Variants in TCERG1L observed in about 807,000 individuals in gnomAD.
TCERG1L encodes the protein transcription elongation regulator 1-like protein.
In TCERG1L, 37 loss-of-function variants were observed where a neutral mutation model predicts 56.3. The ratio of observed to expected loss-of-function variants is 0.66; its 90% CI spans 0.51 to 0.87. TCERG1L has a LOEUF of 0.87. TCERG1L is among the 40% of genes least tolerant of loss of function. TCERG1L has a pLI of 0.00. For synonymous variants in TCERG1L, 324 were observed against 326.3 expected (o/e 0.99, Z 0.08); for missense variants, 799 against 774.2 (o/e 1.03, Z -0.38).
chr10:131,181,818 G>A (rs559936405), intron 4 of TCERG1L, among the ~76,000 whole-genome samples: 21 of 152,356 alleles, frequency 1.4e-4, no homozygotes, highest in Middle Eastern at 6.8e-3. Context: ...CCAAAAACTC[G>A]TGGTAGCCAC....
intron 10 of TCERG1L, among the ~76,000 whole-genome samples, chr10:131,102,907 G>A (rs1402960675): frequency 6.6e-6 from 1 of 151,966 alleles, no homozygotes; most frequent in Non-Finnish European, 1.5e-5. Flanking sequence ...TCTGTCCCTC[G>A]TCTGTTTGAT....
Position 131,138,886 on chromosome 10 carries a change from T to A in TCERG1L, c.1190-4438A>T, listed in dbSNP as rs532330865. 1.6e-4 allele frequency among the ~76,000 whole-genome samples: 25 copies of A among 152,328 alleles called. 1 individual carries two copies. In the South Asian group the frequency reaches 5.0e-3, roughly 30 times the overall value. ...GAGAAAAAAAATCAAGGACAACTTG[T>A]TCTATGGCAAAAAAATCGAAAGACC... On this transcript the variant is annotated intron_variant, in intron 7 of 11. Coordinates refer to ENST00000368642, the MANE Select transcript of TCERG1L (RefSeq NM_174937.4).
intron 8 of TCERG1L, among the ~76,000 whole-genome samples, chr10:131,120,803 C>T (rs1452043394): frequency 1.3e-5 from 2 of 152,182 alleles, no homozygotes; most frequent in African/African-American, 4.8e-5. Flanking sequence ...TGAGATGGTC[C>T]ACATCGACCT....
intron 4 of TCERG1L, among the ~76,000 whole-genome samples, chr10:131,177,778 G>C (rs191384925): frequency 1.3e-5 from 2 of 151,848 alleles, no homozygotes; most frequent in Non-Finnish European, 2.9e-5. Flanking sequence ...GGAGGCTGAA[G>C]GGGAGGCTCC....
At chr10:131,290,785 A>ACATTG (rs3040430) in intron 3 of TCERG1L, among the ~76,000 whole-genome samples, 114,727 of 151,668 alleles carry the variant, frequency 0.76, 43,993 homozygotes, top group Non-Finnish European at 0.82. Flanking sequence ...AACACTTACC[A>ACATTG]CATTGGAGGT....
chr10:131,262,356 C>G (rs953437424), intron 3 of TCERG1L, among the ~76,000 whole-genome samples: 2 of 152,098 alleles, frequency 1.3e-5, no homozygotes, highest in African/African-American at 4.8e-5. Flanking sequence ...ATAGGAGGTA[C>G]TTAACACTAT....
At chr10:131,208,866 G>A (rs1257393730) in intron 4 of TCERG1L, among the ~76,000 whole-genome samples, 1 of 152,098 alleles carries the variant, frequency 6.6e-6, no homozygotes. Context: ...GACCATCCTG[G>A]CTAACATGGT....
intron 4 of TCERG1L, among the ~76,000 whole-genome samples, chr10:131,188,707 C>T (rs1454622061): frequency 6.6e-6 from 1 of 152,172 alleles, no homozygotes; most frequent in Non-Finnish European, 1.5e-5. Context: ...TGACTTTGCA[C>T]TTTTCTTTTA....
intron 9 of TCERG1L, 77 bp downstream of exon 9, chr10:131,116,722 C>T: frequency 6.5e-7 from 1 of 1,530,208 alleles, no homozygotes; most frequent in Non-Finnish European, 8.8e-7. Context: ...AGGCGACCCT[C>T]AGGCAGGGAC....
chr10:131,273,102 A>G (rs955172568), intron 3 of TCERG1L, among the ~76,000 whole-genome samples: 34 of 152,012 alleles, frequency 2.2e-4, no homozygotes, highest in African/African-American at 8.0e-4. Flanking sequence ...GGGGCGCCTC[A>G]CTCAGGCAGC....
intron 6 of TCERG1L, among the ~76,000 whole-genome samples, chr10:131,151,714 G>A (rs1208323708): frequency 1.3e-5 from 2 of 152,154 alleles, no homozygotes; most frequent in South Asian, 2.1e-4. Flanking sequence ...ACTCTGTGTG[G>A]GGGCTCTGAC....
At chr10:131,194,968 A>T (rs2133466867) in intron 4 of TCERG1L, among the ~76,000 whole-genome samples, 1 of 152,314 alleles carries the variant, frequency 6.6e-6, no homozygotes, top group South Asian at 2.1e-4. Context: ...CACATGTGCC[A>T]CTAAATCCAG....
chr10:131,284,906 C>T (rs1288102148), intron 3 of TCERG1L, among the ~76,000 whole-genome samples: 1 of 152,052 alleles, frequency 6.6e-6, no homozygotes, highest in Non-Finnish European at 1.5e-5. Context: ...AACCTTTCCA[C>T]ATAGGAAAGA....
chr10:131,184,228 A>T (rs894463593), intron 4 of TCERG1L, among the ~76,000 whole-genome samples: 12 of 152,222 alleles, frequency 7.9e-5, no homozygotes, highest in African/African-American at 2.7e-4. Flanking sequence ...TTTCTATTCT[A>T]GCGTATCACA....
intron 9 of TCERG1L, among the ~76,000 whole-genome samples, chr10:131,108,915 G>GCC (rs1845381965): frequency 6.6e-6 from 1 of 152,190 alleles, no homozygotes; most frequent in South Asian, 2.1e-4. Context: ...TTGCCCCAGG[G>GCC]CCCCCACAGT....
intron 4 of TCERG1L, among the ~76,000 whole-genome samples, chr10:131,237,029 T>C (rs1648722883): frequency 6.6e-6 from 1 of 151,988 alleles, no homozygotes; most frequent in South Asian, 2.1e-4. Context: ...TAGAGGAAAG[T>C]CCTAGGAATC....
chr10:131,172,490 C>A (rs1241130303), intron 4 of TCERG1L, among the ~76,000 whole-genome samples: 2 of 152,268 alleles, frequency 1.3e-5, no homozygotes, highest in East Asian at 3.8e-4. Flanking sequence ...GTCTCCACCA[C>A]CCCTGAGGCT....
intron 4 of TCERG1L, among the ~76,000 whole-genome samples, chr10:131,240,199 G>A (rs1845955162): frequency 6.6e-6 from 1 of 152,136 alleles, no homozygotes; most frequent in Non-Finnish European, 1.5e-5. Context: ...TCCTTTTCAT[G>A]CCCAGTTCTG....
chr10:131,283,894 A>G (rs1846491798), intron 3 of TCERG1L, among the ~76,000 whole-genome samples: 1 of 152,164 alleles, frequency 6.6e-6, no homozygotes, highest in Non-Finnish European at 1.5e-5. Context: ...AGGCGGAGGC[A>G]GGCAGATCAC....
Sources: gnomAD v4.1 joint callset for allele counts (sites outside exome capture counted in the v4.1 genomes callset) on GRCh38, gnomAD v4.1.1 for gene constraint, MANE v1.5 for transcripts, NCBI Gene and HGNC (gene_info 2026-07-23, HGNC 2026-07-21) for gene names.